The following CNNM2 variants were observed in gnomAD, a reference collection of about 807,000 sequenced individuals.
CNNM2 encodes the protein cyclin and CBS domain divalent metal cation transport mediator 2.
In CNNM2, 12 loss-of-function variants were observed where a neutral mutation model predicts 66.9. The observed-to-expected ratio is 0.18, with a 90% CI of 0.11 to 0.29. The LOEUF (loss-of-function observed/expected upper bound fraction) is 0.29. Among genes scored for constraint, CNNM2 ranks in the 10% least tolerant of loss-of-function variants. The pLI, the probability that CNNM2 is intolerant of heterozygous loss-of-function variation, is 1.00. For synonymous variants in CNNM2, 557 were observed against 501.8 expected (o/e 1.11, Z -1.47); for missense variants, 705 against 1,167.7 (o/e 0.60, Z 5.77).
chr10:103,084,766 T>A lies in CNNM2; in HGVS notation c.*7586T>A, dbSNP rs950665445. 1.3e-5 allele frequency: 2 copies of A among 151,748 alleles called. No individual in the cohort carries two copies. The highest frequency in any genetic ancestry group is 2.9e-5 in the Non-Finnish European group (2 of 67,972). 9.4% of individuals were successfully genotyped at this position (151,748 alleles called of 1,614,324 possible). On this transcript the variant is annotated 3_prime_UTR_variant, in exon 8 of 8. Coordinates refer to ENST00000369878, the MANE Select transcript of CNNM2 (RefSeq NM_017649.5). ...GTGCTCCCTAGAGCCGTTTTTCAAC[T>A]CGGCACTTCTGAGGAAACAAATATT... is the stretch of plus-strand genomic sequence containing the variant.
At chr10:103,028,716 A>G (rs1353128705) in intron 1 of CNNM2, among the ~76,000 whole-genome samples, 3 of 152,026 alleles carry the variant, frequency 2.0e-5, no homozygotes, top group Non-Finnish European at 2.9e-5. Context: ...GAAAAAAAAG[A>G]CAATCTCCTC....
chr10:103,054,025 GCT>G lies in CNNM2; in HGVS notation c.1766-301_1766-300del, dbSNP rs1368315544. 4.6e-5 allele frequency among the ~76,000 whole-genome samples: 7 copies of G among 152,098 alleles called. No homozygotes were observed. Among genetic ancestry groups the G allele is most frequent in the Non-Finnish European group, 7.3e-5 (5 of 68,030 alleles). ...TGTGCTTCTGTGGGTCTTGTGAGAG[GCT>G]CTGTCAGCATTTGCCTGATGCTGTG... is the stretch of plus-strand genomic sequence containing the variant. On this transcript the variant is annotated intron_variant, in intron 2 of 7. Transcript: ENST00000369878. The surrounding 1 kb of genome is among the most constrained non-coding windows in gnomAD (Gnocchi z 5.2).
rs1349509693 is a variant in CNNM2 at position 103,083,443 on chromosome 10, C to T, written c.*6263C>T. ...TTCATCTGTGCAACACCAACCATGCCATTGTATTCAGCTTGGCTGAACCAA... is the reference window on the plus strand; with the variant it reads ...TTCATCTGTGCAACACCAACCATGCTATTGTATTCAGCTTGGCTGAACCAA... On this transcript the variant is annotated 3_prime_UTR_variant, in exon 8 of 8. Coordinates refer to ENST00000369878, the MANE Select transcript of CNNM2 (RefSeq NM_017649.5). 6.6e-6 allele frequency: 1 copy of T among 152,210 alleles called. No individual in the cohort carries two copies. The highest frequency in any genetic ancestry group is 6.5e-5 in the Admixed American group (1 of 15,282). 9.4% of individuals were successfully genotyped at this position (152,210 alleles called of 1,614,324 possible).
chr10:103,040,190 T>G (rs1276189803), intron 1 of CNNM2, among the ~76,000 whole-genome samples: 1 of 151,828 alleles, frequency 6.6e-6, no homozygotes, highest in South Asian at 2.1e-4. Context: ...GACAGATGCC[T>G]TAAGAGAAAT....
intron 1 of CNNM2, among the ~76,000 whole-genome samples, chr10:103,017,988 C>G (rs1282291869): frequency 1.9e-5 from 2 of 103,016 alleles, no homozygotes; most frequent in African/African-American, 7.5e-5. Context: ...AAAAGGCAAG[C>G]CGCCAGGCCA....
At chr10:102,961,997 A>G (rs1374520790) in intron 1 of CNNM2, among the ~76,000 whole-genome samples, 2 of 152,198 alleles carry the variant, frequency 1.3e-5, no homozygotes, top group African/African-American at 4.8e-5. Context: ...TACTTTTTTT[A>G]AAATGAAGAA....
At chr10:103,013,605 GC>G (rs1184744165) in intron 1 of CNNM2, among the ~76,000 whole-genome samples, 1 of 152,098 alleles carries the variant, frequency 6.6e-6, no homozygotes, top group Admixed American at 6.6e-5. Flanking sequence ...CTTTATCCAA[GC>G]CGAAAACTGT....
chr10:103,066,110 C>T (rs2065472513), intron 4 of CNNM2, among the ~76,000 whole-genome samples: 2 of 152,124 alleles, frequency 1.3e-5, no homozygotes, highest in South Asian at 4.1e-4. Flanking sequence ...ACCTTGAGGC[C>T]CTGACCGTCC....
rs575561873 is a variant in CNNM2 at position 103,062,947 on chromosome 10, A to C, written c.2074-5682A>C. ...TCCTTCAGTATGAAACGAATGCTTCAGTAGGTCTGGGGTGGAGTCTGAGAT... is the reference window on the plus strand; with the variant it reads ...TCCTTCAGTATGAAACGAATGCTTCCGTAGGTCTGGGGTGGAGTCTGAGAT... On this transcript the variant is annotated intron_variant, in intron 4 of 7. Coordinates refer to ENST00000369878, the MANE Select transcript of CNNM2 (RefSeq NM_017649.5). Among the ~76,000 whole-genome samples the C allele has an allele frequency of 1.2e-4, 19 of 152,302 alleles. 1 individual carries two copies. The South Asian group carries it at 3.9e-3, about 32-fold the overall frequency.
intron 1 of CNNM2, among the ~76,000 whole-genome samples, chr10:102,980,298 T>G (rs1418640643): frequency 2.0e-5 from 3 of 151,828 alleles, no homozygotes; most frequent in Non-Finnish European, 2.9e-5. Context: ...GTTAAATTGC[T>G]ATCTATTTTA....
At position 102,942,534 on chromosome 10, in the gene CNNM2, A is replaced by G. The variant is rs565308255; in HGVS notation, c.1621+22433A>G. Among the ~76,000 whole-genome samples the G allele has an allele frequency of 4.6e-5, 7 of 152,308 alleles. No homozygotes were observed. In the South Asian group the frequency reaches 1.5e-3, roughly 32 times the overall value. The stretch of plus-strand genomic sequence containing the variant: ...AAGGCTGAATTATGTTCCGTTGTGT[A>G]TATGTGCCACATTTTGTTTATCCAT... On this transcript the variant is annotated intron_variant, in intron 1 of 7. Transcript: ENST00000369878.
At chr10:102,995,481 G>C (rs2063980254) in intron 1 of CNNM2, among the ~76,000 whole-genome samples, 1 of 151,974 alleles carries the variant, frequency 6.6e-6, no homozygotes, top group South Asian at 2.1e-4. Flanking sequence ...CCAACGTGCT[G>C]GGATTACAGG....
rs745509285 is a variant in CNNM2 at position 102,919,161 on chromosome 10, G to T, written c.681G>T (p.Pro227=). The change falls in exon 1 of 8, where the codon CCG becomes CCT. Residue 227 remains proline (P), a synonymous_variant. Transcript: ENST00000369878. ...GGGTGGCCGGGCTCCCGCCGCCCCC[G>T]TGGGCCGAGACCACCTGGATTTACC... ...GSGVAGLPPP[P]WAETTWIYHD... 2 of 1,610,456 alleles carry T rather than the reference G, an allele frequency of 1.2e-6. No individual in the cohort carries two copies. The highest frequency in any genetic ancestry group is 8.5e-7 in the Non-Finnish European group (1 of 1,179,754).
At position 103,043,557 on chromosome 10, in the gene CNNM2, T is replaced by C. The variant is rs17115381; in HGVS notation, c.1622-6150T>C. ...GTAAGGTTAAAAGATGCAAATGTGG[T>C]AATCCACTACCATTCTGGGCTGGTT... On this transcript the variant is annotated intron_variant, in intron 1 of 7. Transcript: ENST00000369878. 0.019 allele frequency among the ~76,000 whole-genome samples: 2,883 copies of C among 152,330 alleles called. 66 individuals carry two copies. Among genetic ancestry groups the C allele is most frequent in the South Asian group, 0.12 (574 of 4,830 alleles).
chr10:103,027,785 T>G (rs2064735572), intron 1 of CNNM2, among the ~76,000 whole-genome samples: 1 of 152,240 alleles, frequency 6.6e-6, no homozygotes, highest in South Asian at 2.1e-4. Flanking sequence ...ATCAGTAATA[T>G]AATCATTATC....
At position 103,049,774 on chromosome 10, in the gene CNNM2, T is replaced by C; in HGVS notation, c.1689T>C (p.Val563=). 1 of 1,613,938 alleles carries C rather than the reference T, an allele frequency of 6.2e-7. No homozygotes were observed. The highest frequency in any genetic ancestry group is 1.3e-5 in the African/African-American group (1 of 75,042). Reference sequence around the variant, plus strand: ...GAGAAGGGGATCCATTTTATGAAGTTCTGGGAATCGTCACCTTAGAAGATG... The same window carrying C: ...GAGAAGGGGATCCATTTTATGAAGTCCTGGGAATCGTCACCTTAGAAGATG... The part of the protein sequence containing the change: ...NEGEGDPFYE[V]LGIVTLEDVI... Residue 563 remains valine (V), a synonymous_variant, in exon 2 of 8, where the codon GTT becomes GTC. Coordinates refer to ENST00000369878, the MANE Select transcript of CNNM2 (RefSeq NM_017649.5).
chr10:103,032,295 A>G (rs758280525), intron 1 of CNNM2, among the ~76,000 whole-genome samples: 3 of 152,046 alleles, frequency 2.0e-5, no homozygotes, highest in African/African-American at 7.2e-5. Context: ...ACTAAAAAAG[A>G]CAAAAAACAG....
intron 5 of CNNM2, among the ~76,000 whole-genome samples, chr10:103,071,454 G>C (rs147748175): frequency 6.6e-6 from 1 of 152,124 alleles, no homozygotes; most frequent in East Asian, 1.9e-4. Flanking sequence ...CCCCTTTTGC[G>C]CAGCTACTGG....
rs978243297 is a variant in CNNM2 at position 102,946,921 on chromosome 10, A to C, written c.1621+26820A>C. 2.0e-5 allele frequency among the ~76,000 whole-genome samples: 3 copies of C among 152,244 alleles called. No individual in the cohort carries two copies. The East Asian group carries it at 5.8e-4, about 29-fold the overall frequency. On this transcript the variant is annotated intron_variant, in intron 1 of 7. Transcript: ENST00000369878. Reference sequence around the variant, plus strand: ...TCTGAGAAAGAACAAAACACATGCCATACTTAATATGTTAGTATCCATTTT... The same window carrying C: ...TCTGAGAAAGAACAAAACACATGCCCTACTTAATATGTTAGTATCCATTTT...
Sources: allele counts gnomAD v4.1 joint callset (sites outside exome capture counted in the v4.1 genomes callset), GRCh38; gene constraint gnomAD v4.1.1; non-coding constraint Gnocchi (gnomAD v3.1); transcripts MANE v1.5; gene names NCBI Gene and HGNC (gene_info 2026-07-23, HGNC 2026-07-21).